MACC1: variants seen among roughly 807,000 people sequenced by gnomAD.
MACC1 encodes metastasis-associated in colon cancer protein 1.
Under a neutral mutation model 70.7 loss-of-function variants are expected in MACC1, and 79 were observed. The observed-to-expected ratio is 1.12, with a 90% CI of 0.93 to 1.35. MACC1 has a LOEUF of 1.35. Ranked by LOEUF, MACC1 falls within the 40% of genes most tolerant of loss-of-function variation. The pLI, the probability that MACC1 is intolerant of heterozygous loss-of-function variation, is 0.00. For missense variants in MACC1, 1,106 were observed against 978.1 expected (o/e 1.13, Z -1.74); for synonymous variants, 361 against 347.2 (o/e 1.04, Z -0.44).
At position 20,205,173 on chromosome 7, in the gene MACC1, T is replaced by G. The variant is rs111984616; in HGVS notation, c.-218+12126A>C. 6.0e-3 allele frequency among the ~76,000 whole-genome samples: 919 copies of G among 152,342 alleles called. 18 individuals are homozygous for G. The highest frequency in any genetic ancestry group is 0.021 in the African/African-American group (884 of 41,576). Reference sequence around the variant, plus strand: ...TTCATGATGTCAAAACAGATTAGTTTTTAGCAATGTGCCTTGATCATCAAC... The same window carrying G: ...TTCATGATGTCAAAACAGATTAGTTGTTAGCAATGTGCCTTGATCATCAAC... On this transcript the variant is annotated intron_variant, in intron 1 of 6. Transcript: ENST00000400331.
chr7:20,179,180 A>G (rs1030469255), intron 1 of MACC1, among the ~76,000 whole-genome samples: 1 of 152,116 alleles, frequency 6.6e-6, no homozygotes, highest in African/African-American at 2.4e-5. Context: ...TCAATGCTAA[A>G]TATTCTCATC....
intron 1 of MACC1, among the ~76,000 whole-genome samples, chr7:20,180,440 T>TAAAAAAAAGGAA (rs1782485402): frequency 1.5e-5 from 2 of 134,960 alleles, no homozygotes; most frequent in African/African-American, 5.6e-5. Context: ...AGACTCCATC[T>TAAAAAAAAGGAA]AAAAAAAAGG....
chr7:20,171,394 C>T (rs1343213007), intron 1 of MACC1, among the ~76,000 whole-genome samples: 1 of 150,568 alleles, frequency 6.6e-6, no homozygotes, highest in Non-Finnish European at 1.5e-5. Context: ...TGGGACTACA[C>T]GTGCCCGCCA....
chr7:20,178,754 C>T (rs1180693290), intron 1 of MACC1, among the ~76,000 whole-genome samples: 21 of 152,146 alleles, frequency 1.4e-4, no homozygotes. Context: ...GCATGCACCA[C>T]CACGCCTGGC....
intron 1 of MACC1, among the ~76,000 whole-genome samples, chr7:20,198,895 C>T (rs1001042815): frequency 2.0e-5 from 3 of 152,102 alleles, no homozygotes; most frequent in Non-Finnish European, 2.9e-5. Flanking sequence ...ACCAAGGATG[C>T]CTAACAAATC....
chr7:20,138,578 T>C lies in MACC1; in HGVS notation c.*2368A>G, dbSNP rs1270579507. ...TTTTTTTTCCTTCTCTCATAATTTA[T>C]TTTTAATTAAAATAAATTCTGTCCT... On this transcript the variant is annotated 3_prime_UTR_variant, in exon 7 of 7. Coordinates refer to ENST00000400331, the MANE Select transcript of MACC1 (RefSeq NM_182762.4). 6.6e-6 allele frequency: 1 copy of C among 152,158 alleles called. No individual in the cohort carries two copies. Among genetic ancestry groups the C allele is most frequent in the Non-Finnish European group, 1.5e-5 (1 of 68,032 alleles). 9.4% of individuals were successfully genotyped at this position (152,158 alleles called of 1,614,324 possible).
rs185800809 is a variant in MACC1 at position 20,186,991 on chromosome 7, A to G, written c.-217-16213T>C. ...ATGTTTTATAAAATCAGATGAAAAG[A>G]AACAAGACTGAAATGACATAAAGGA... On this transcript the variant is annotated intron_variant, in intron 1 of 6. Coordinates refer to ENST00000400331, the MANE Select transcript of MACC1 (RefSeq NM_182762.4). 5.8e-4 allele frequency among the ~76,000 whole-genome samples: 88 copies of G among 152,278 alleles called. No homozygotes were observed. In the East Asian group the frequency reaches 0.015, roughly 26 times the overall value.
chr7:20,185,807 C>T (rs1474247730), intron 1 of MACC1, among the ~76,000 whole-genome samples: 3 of 152,176 alleles, frequency 2.0e-5, no homozygotes, highest in Non-Finnish European at 2.9e-5. Context: ...TCTCCTCTAA[C>T]CCTCACAGTA....
chr7:20,148,180 T>G (rs371018323), intron 6 of MACC1, among the ~76,000 whole-genome samples: 10 of 151,886 alleles, frequency 6.6e-5, no homozygotes, highest in Non-Finnish European at 8.8e-5. Context: ...AGAAAAAAGG[T>G]GTACCCAATG....
chr7:20,213,743 C>G (rs79905941), intron 1 of MACC1, among the ~76,000 whole-genome samples: 1 of 151,798 alleles, frequency 6.6e-6, no homozygotes, highest in Non-Finnish European at 1.5e-5. Flanking sequence ...CAACACACAC[C>G]GAGGCCAATT....
chr7:20,194,864 A>G (rs2128107550), intron 1 of MACC1, among the ~76,000 whole-genome samples: 1 of 152,318 alleles, frequency 6.6e-6, no homozygotes, highest in East Asian at 1.9e-4. Context: ...ATGTTACTTC[A>G]GCCTCCTAAC....
At chr7:20,175,943 A>C (rs1447156291) in intron 1 of MACC1, among the ~76,000 whole-genome samples, 1 of 152,154 alleles carries the variant, frequency 6.6e-6, no homozygotes, top group Non-Finnish European at 1.5e-5. Flanking sequence ...AACACTGAAA[A>C]TCAGAGATCA....
intron 3 of MACC1, among the ~76,000 whole-genome samples, chr7:20,162,659 T>C (rs1047099088): frequency 4.6e-5 from 7 of 152,108 alleles, no homozygotes; most frequent in African/African-American, 7.2e-5. Flanking sequence ...ATGGCACAGG[T>C]GGCCAAACAG....
intron 1 of MACC1, among the ~76,000 whole-genome samples, chr7:20,173,947 T>A (rs1387795454): frequency 6.6e-6 from 1 of 152,162 alleles, no homozygotes; most frequent in Non-Finnish European, 1.5e-5. Context: ...TTTGGGTATA[T>A]AGATTCAGAT....
At chr7:20,176,519 C>A (rs1398817340) in intron 1 of MACC1, among the ~76,000 whole-genome samples, 1 of 152,136 alleles carries the variant, frequency 6.6e-6, no homozygotes, top group Non-Finnish European at 1.5e-5. Flanking sequence ...TAGCCTTATG[C>A]AATGTCTTTT....
Position 20,179,446 on chromosome 7 carries a change from C to T in MACC1, c.-217-8668G>A, listed in dbSNP as rs188892996. ...GTCTGTTTCGTTTCTCTCCTCAATT[C>T]TGTGCTCTCTTCTCTCTGTCCAGTG... On this transcript the variant is annotated intron_variant, in intron 1 of 6. Transcript: ENST00000400331. Among the ~76,000 whole-genome samples the T allele has an allele frequency of 8.5e-4, 130 of 152,298 alleles. 1 individual carries two copies. The highest frequency in any genetic ancestry group is 7.1e-3 in the East Asian group (37 of 5,196).
chr7:20,184,458 AC>A (rs1258126135), intron 1 of MACC1, among the ~76,000 whole-genome samples: 1 of 151,984 alleles, frequency 6.6e-6, no homozygotes, highest in African/African-American at 2.4e-5. Context: ...AACTTGCAAA[AC>A]TCCTTTTTTC....
At position 20,158,569 on chromosome 7, in the gene MACC1, A is replaced by G; in HGVS notation, c.1792T>C (p.Tyr598His). Residue 598 changes from tyrosine to histidine, a missense_variant, in exon 5 of 7, where the codon TAT (tyrosine) becomes CAT (histidine). Physicochemically the swap from Tyr to His is moderately conservative, Grantham distance 83. Transcript: ENST00000400331. Reference protein sequence around the residue: ...AIGQSKVKEWYVGVLRGKIGL... With the variant: ...AIGQSKVKEWHVGVLRGKIGL... ...ATCTTACCTCTGAGGACTCCTACATACCATTCTTTCACTTTGGACTGACCA... is the reference window on the plus strand; with the variant it reads ...ATCTTACCTCTGAGGACTCCTACATGCCATTCTTTCACTTTGGACTGACCA... 6.2e-7 allele frequency: 1 copy of G among 1,614,006 alleles called. No individual in the cohort carries two copies. Among genetic ancestry groups the G allele is most frequent in the Non-Finnish European group, 8.5e-7 (1 of 1,179,948 alleles).
At chr7:20,169,173 T>C (rs1324535974) in intron 2 of MACC1, among the ~76,000 whole-genome samples, 1 of 152,188 alleles carries the variant, frequency 6.6e-6, no homozygotes, top group Non-Finnish European at 1.5e-5. Context: ...TAATCCCCAC[T>C]GTTGCCATAA....
Sources: allele counts gnomAD v4.1 joint callset (sites outside exome capture counted in the v4.1 genomes callset), GRCh38; gene constraint gnomAD v4.1.1; transcripts MANE v1.5; gene names NCBI Gene and HGNC (gene_info 2026-07-23, HGNC 2026-07-21).